The following DNM2 variants were observed in gnomAD, a reference collection of about 807,000 sequenced individuals.
DNM2 encodes the protein dynamin 2, also known as dynamin-2.
Under a neutral mutation model 99.0 loss-of-function variants are expected in DNM2, and 15 were observed. That is an observed-to-expected ratio of 0.15 (90% CI 0.10 to 0.23). The LOEUF is 0.23. Among genes scored for constraint, DNM2 ranks in the 10% least tolerant of loss-of-function variants. The probability of loss-of-function intolerance (pLI) is 1.00; values close to 1 mark genes in which losing one functional copy is unlikely to be tolerated. For missense variants in DNM2, 742 were observed against 1,189.4 expected (o/e 0.62, Z 5.53); for synonymous variants, 525 against 481.2 (o/e 1.09, Z -1.19).
intron 18 of DNM2, among the ~76,000 whole-genome samples, chr19:10,828,677 C>G (rs1398233118): frequency 6.6e-6 from 1 of 151,940 alleles, no homozygotes. Flanking sequence ...GAAAAGACAT[C>G]AATGGAAGAG....
chr19:10,790,695 T>C (rs2071723669), intron 7 of DNM2, among the ~76,000 whole-genome samples: 2 of 152,296 alleles, frequency 1.3e-5, no homozygotes, highest in African/African-American at 4.8e-5. Flanking sequence ...GTCGAACTCC[T>C]GACCTTAGGT....
rs1450612658 is a variant in DNM2, at chr19:10,831,427, AAGGGCGCCT to A, written c.*382_*390del. On this transcript the variant is annotated 3_prime_UTR_variant, in exon 21 of 21. Coordinates refer to ENST00000389253, the MANE Select transcript of DNM2 (RefSeq NM_001005361.3). The surrounding 1 kb of genome is among the most constrained non-coding windows in gnomAD (Gnocchi z 4.3). Reference sequence around the variant, plus strand: ...CAGGCCTTCTATAAGTGCGGGCACCAAGGGCGCCTACATCCCCAGGCCTTGCTGGGGTGC... The same window carrying A: ...CAGGCCTTCTATAAGTGCGGGCACCAACATCCCCAGGCCTTGCTGGGGTGC... 7 of 1,019,994 alleles carry A rather than the reference AAGGGCGCCT, an allele frequency of 6.9e-6. No homozygotes were observed. Among genetic ancestry groups the A allele is most frequent in the Non-Finnish European group, 8.2e-6 (7 of 852,788 alleles). The allele number at this position is 1,019,994 out of a possible 1,614,324, so 63.2% of individuals were successfully genotyped here. A position where few individuals can be genotyped will look rare whatever the true frequency, so the allele number is the denominator to read the frequency against.
At chr19:10,801,888 G>A (rs569650742) in intron 11 of DNM2, among the ~76,000 whole-genome samples, 1 of 146,384 alleles carries the variant, frequency 6.8e-6, no homozygotes, top group African/African-American at 2.5e-5. Context: ...CTGGGCGACA[G>A]AGCAAGACTC....
In DNM2 at chr19:10,792,796, C is replaced by T. The variant is rs375906211; in HGVS notation, c.993-924C>T. On this transcript the variant is annotated intron_variant, in intron 7 of 20. Coordinates refer to ENST00000389253, the MANE Select transcript of DNM2 (RefSeq NM_001005361.3). ...CTCGTTTTTGTATTTTTAGTAGAGA[C>T]GGGGTTTCGCCATGTTGTCCAGGCT... 2.2e-4 allele frequency among the ~76,000 whole-genome samples: 34 copies of T among 152,052 alleles called. No individual in the cohort carries two copies. In the East Asian group the frequency reaches 2.3e-3, roughly 10 times the overall value.
rs761564812 is a variant in DNM2 at position 10,772,563 on chromosome 19, G to A, written c.320G>A (p.Arg107Lys). The A allele has an allele frequency of 7.4e-6, 12 of 1,614,072 alleles. No homozygotes were observed. Among genetic ancestry groups the A allele is most frequent in the Admixed American group, 3.3e-5 (2 of 59,986 alleles). ...CAGGAGATTGAAGCAGAGACCGACAGGGTCACGGGGACCAACAAAGGCATC... is the reference window on the plus strand; with the variant it reads ...CAGGAGATTGAAGCAGAGACCGACAAGGTCACGGGGACCAACAAAGGCATC... ...VRQEIEAETD[R>K]VTGTNKGISP... Residue 107 changes from arginine (R) to lysine (K), a missense_variant, in exon 3 of 21, where the codon AGG becomes AAG. Transcript: ENST00000389253. This position sits in a 1 kb window ranked among gnomAD's most constrained non-coding sequence, Gnocchi z 4.9.
intron 16 of DNM2, chr19:10,823,532 C>A: frequency 2.0e-6 from 1 of 502,998 alleles, no homozygotes; most frequent in Non-Finnish European, 3.6e-6. Flanking sequence ...ACATGCCCAC[C>A]TCTGGGGGCC....
At position 10,830,331 on chromosome 19, in the gene DNM2, A is replaced by G; in HGVS notation, c.2496A>G (p.Pro832=). ...SDLFPAPPQI[P]SRPVRIPPGI... is the part of the protein sequence containing the mutation. Reference sequence around the variant, plus strand: ...TCTTCCCAGCCCCGCCTCAGATCCCATCTCGGCCAGTTCGGATCCCCCCAG... The same window carrying G: ...TCTTCCCAGCCCCGCCTCAGATCCCGTCTCGGCCAGTTCGGATCCCCCCAG... The change falls in exon 20 of 21, where the codon CCA becomes CCG. Residue 832 remains proline, a synonymous_variant. Transcript: ENST00000389253. This position sits in a 1 kb window ranked among gnomAD's most constrained non-coding sequence, Gnocchi z 4.8. 1 of 1,613,178 alleles carries G rather than the reference A, an allele frequency of 6.2e-7. No individual in the cohort carries two copies. Among genetic ancestry groups the G allele is most frequent in the Non-Finnish European group, 8.5e-7 (1 of 1,179,788 alleles).
rs748558905 is a variant in DNM2 at position 10,812,755 on chromosome 19, C to T, written c.1671+378C>T. The stretch of plus-strand genomic sequence containing the variant: ...TGAGCCGAGATTGCGCCACTGCACT[C>T]CAGCCTGGGCGAGAGAGCGAGACTC... On this transcript the variant is annotated intron_variant, in intron 15 of 20. Transcript: ENST00000389253. This position sits in a 1 kb window ranked among gnomAD's most constrained non-coding sequence, Gnocchi z 4.0. 1.3e-5 allele frequency among the ~76,000 whole-genome samples: 2 copies of T among 152,176 alleles called. No homozygotes were observed. Among genetic ancestry groups the T allele is most frequent in the Non-Finnish European group, 2.9e-5 (2 of 68,032 alleles).
At chr19:10,823,722 T>C in intron 16 of DNM2, 66 bp from the exon 17 acceptor site, 1 of 1,523,030 alleles carries the variant, frequency 6.6e-7, no homozygotes, top group Non-Finnish European at 9.1e-7. Flanking sequence ...AGCCCATTCC[T>C]CTCGGCAGTC....
Position 10,808,404 on chromosome 19 carries a change from T to C in DNM2, c.1546-165T>C. 4.8e-6 allele frequency: 3 copies of C among 628,586 alleles called. No individual in the cohort carries two copies. The Admixed American group carries it at 9.3e-5, about 19-fold the overall frequency. 38.9% of individuals were successfully genotyped at this position (628,586 alleles called of 1,614,324 possible). ...ATATTAACACCATGAATATGATTAA[T>C]AGCATGTAATTTTTTTTCTTTTGCT... On this transcript the variant is annotated intron_variant, in intron 13 of 20. Transcript: ENST00000389253.
At chr19:10,763,469 G>T (rs774946598) in intron 2 of DNM2, 1 of 152,466 alleles carries the variant, frequency 6.6e-6, no homozygotes, top group Non-Finnish European at 1.5e-5. Context: ...TTCCCAAAAT[G>T]CTGGGATGAC....
At chr19:10,753,406 T>G (rs866017917) in intron 1 of DNM2, among the ~76,000 whole-genome samples, 1 of 50,794 alleles carries the variant, frequency 2.0e-5, no homozygotes, top group African/African-American at 7.8e-5. Flanking sequence ...CCCCCTTCCC[T>G]TCCCCCCCCC....
chr19:10,813,230 A>G (rs1382079840), intron 15 of DNM2, among the ~76,000 whole-genome samples: 1 of 152,176 alleles, frequency 6.6e-6, no homozygotes, highest in Admixed American at 6.5e-5. Flanking sequence ...TGATGACTGC[A>G]GGGAGCAGTG....
At chr19:10,734,395 TCC>T (rs2069445626) in intron 1 of DNM2, among the ~76,000 whole-genome samples, 1 of 149,340 alleles carries the variant, frequency 6.7e-6, no homozygotes, top group East Asian at 2.0e-4. Flanking sequence ...ACACCTGTAA[TCC>T]CAGCACTTTG....
At chr19:10,807,553 T>A (rs2072388350) in intron 13 of DNM2, among the ~76,000 whole-genome samples, 1 of 135,214 alleles carries the variant, frequency 7.4e-6, no homozygotes, top group African/African-American at 2.8e-5. Context: ...TTTTTTTTTT[T>A]TTTTTTTTTT....
intron 16 of DNM2, 67 bp from the exon 17 acceptor site, chr19:10,823,721 C>T: frequency 2.6e-6 from 4 of 1,517,870 alleles, no homozygotes. Context: ...GAGCCCATTC[C>T]TCTCGGCAGT....
At chr19:10,799,008 T>A (rs904597805) in intron 11 of DNM2, among the ~76,000 whole-genome samples, 3 of 152,178 alleles carry the variant, frequency 2.0e-5, no homozygotes, top group Non-Finnish European at 4.4e-5. Context: ...GGAGGATTGC[T>A]TGAGCCCAGG....
chr19:10,795,428 C>A lies in DNM2; in HGVS notation c.1185C>A (p.Ile395=). The A allele has an allele frequency of 6.2e-7, 1 of 1,614,090 alleles. No individual in the cohort carries two copies. The highest frequency in any genetic ancestry group is 2.2e-5 in the East Asian group (1 of 44,876). ...RREISYAIKN[I]HGVRTGLFTP... ...AGATCAGCTATGCCATTAAGAACAT[C>A]CATGGAGTCAGGCAAGTTCCACGAG... The change falls in exon 9 of 21, where the codon ATC becomes ATA. Residue 395 remains isoleucine, a synonymous_variant. Coordinates refer to ENST00000389253, the MANE Select transcript of DNM2 (RefSeq NM_001005361.3). The surrounding 1 kb of genome is among the most constrained non-coding windows in gnomAD (Gnocchi z 4.2).
chr19:10,831,391 C>T lies in DNM2; in HGVS notation c.*344C>T. 9.3e-7 allele frequency: 1 copy of T among 1,075,464 alleles called. No individual in the cohort carries two copies. Among genetic ancestry groups the T allele is most frequent in the Non-Finnish European group, 1.1e-6 (1 of 888,056 alleles). 66.6% of individuals were successfully genotyped at this position (1,075,464 alleles called of 1,614,324 possible). A position where few individuals can be genotyped will look rare whatever the true frequency, so the allele number is the denominator to read the frequency against. ...CCAAGGTCTTCTTGGGCTGGGAAAG[C>T]CCATGTAGGGCAGGCCTTCTATAAG... On this transcript the variant is annotated 3_prime_UTR_variant, in exon 21 of 21. Coordinates refer to ENST00000389253, the MANE Select transcript of DNM2 (RefSeq NM_001005361.3). This position sits in a 1 kb window ranked among gnomAD's most constrained non-coding sequence, Gnocchi z 4.3.
Sources: allele counts gnomAD v4.1 joint callset (sites outside exome capture counted in the v4.1 genomes callset), GRCh38; gene constraint gnomAD v4.1.1; non-coding constraint Gnocchi (gnomAD v3.1); transcripts MANE v1.5; gene names NCBI Gene and HGNC (gene_info 2026-07-23, HGNC 2026-07-21).